Variants in BRINP3 observed in about 807,000 individuals in gnomAD.
The protein encoded by BRINP3 is BMP/retinoic acid-inducible neural-specific protein 3.
A neutral mutation model predicts 71.0 loss-of-function variants in BRINP3; 19 were observed. The observed-to-expected ratio is 0.27, with a 90% CI of 0.19 to 0.39. The LOEUF (loss-of-function observed/expected upper bound fraction) is 0.39, where lower values mean the gene tolerates loss of function less well. Ranked by LOEUF, BRINP3 falls within the 10% of genes least tolerant of loss-of-function variation. The pLI, the probability that BRINP3 is intolerant of heterozygous loss-of-function variation, is 1.00. For missense variants in BRINP3, 959 were observed against 940.8 expected, an observed-to-expected ratio of 1.02 and a Z score of -0.25; for synonymous variants, 380 against 337.7, an observed-to-expected ratio of 1.13 and a Z score of -1.37.
At chr1:190,352,127 GA>G (rs1048262066) in intron 2 of BRINP3, among the ~76,000 whole-genome samples, 9 of 151,548 alleles carry the variant, frequency 5.9e-5, no homozygotes, top group Non-Finnish European at 1.3e-4. Context: ...TTTAAAAAAG[GA>G]AAAAAAATTT....
At chr1:190,398,849 C>A (rs569640192) in intron 2 of BRINP3, among the ~76,000 whole-genome samples, 2 of 152,082 alleles carry the variant, frequency 1.3e-5, no homozygotes, top group East Asian at 3.9e-4. Context: ...AAATCTTCCA[C>A]CCTTTTTACT....
chr1:190,405,958 A>C (rs541734824), intron 2 of BRINP3, among the ~76,000 whole-genome samples: 1 of 152,334 alleles, frequency 6.6e-6, no homozygotes, highest in South Asian at 2.1e-4. Context: ...TATTCAACAA[A>C]TTCCTGGTGA....
intron 7 of BRINP3, among the ~76,000 whole-genome samples, chr1:190,130,748 C>T (rs969704621): frequency 6.6e-6 from 1 of 151,878 alleles, no homozygotes; most frequent in Non-Finnish European, 1.5e-5. Context: ...AGTTCTTGAC[C>T]ACACAGTCAG....
intron 7 of BRINP3, among the ~76,000 whole-genome samples, chr1:190,104,135 C>G (rs769662153): frequency 3.9e-5 from 6 of 151,930 alleles, no homozygotes. Context: ...CAGATGGAAG[C>G]ACTTAACAAC....
chr1:190,168,205 AT>A (rs1651719997), intron 6 of BRINP3, among the ~76,000 whole-genome samples: 1 of 98,208 alleles, frequency 1.0e-5, no homozygotes, highest in Non-Finnish European at 1.9e-5. Flanking sequence ...GTCCTATTTA[AT>A]TTGTATATAT....
chr1:190,276,759 TA>T (rs986732245), intron 3 of BRINP3, among the ~76,000 whole-genome samples: 5 of 151,436 alleles, frequency 3.3e-5, no homozygotes, highest in African/African-American at 9.7e-5. Flanking sequence ...ATGAATTTTT[TA>T]TTCCAACAAT....
chr1:190,448,983 C>T (rs375069589), intron 2 of BRINP3, among the ~76,000 whole-genome samples: 166 of 151,754 alleles, frequency 1.1e-3, no homozygotes, highest in South Asian at 4.4e-3. Flanking sequence ...TTTGAATTTC[C>T]ACTCTCTGCT....
At chr1:190,404,390 C>G (rs1144530) in intron 2 of BRINP3, among the ~76,000 whole-genome samples, 55,518 of 151,904 alleles carry the variant, frequency 0.37, 11,074 homozygotes, top group Admixed American at 0.48. Context: ...CAAAAAGAAC[C>G]TGGCCAAAAT....
chr1:190,287,173 C>A (rs1275013891), intron 2 of BRINP3, among the ~76,000 whole-genome samples: 1 of 152,086 alleles, frequency 6.6e-6, no homozygotes, highest in African/African-American at 2.4e-5. Flanking sequence ...TTGCAGTGAG[C>A]CAAAATTGTG....
At chr1:190,466,307 T>C (rs1359259333) in intron 1 of BRINP3, among the ~76,000 whole-genome samples, 2 of 151,812 alleles carry the variant, frequency 1.3e-5, no homozygotes, top group Non-Finnish European at 3.0e-5. Flanking sequence ...AATGGAAATC[T>C]CTCAATCTGT....
chr1:190,476,163 G>A lies in BRINP3; in HGVS notation c.-51+1285C>T, dbSNP rs375434088. Reference sequence around the variant, plus strand: ...AGCTGGAGTACTTTTATGTCTGGGAGCTAAAAGGGCTTTTGAATTTAAAAA... The same window carrying A: ...AGCTGGAGTACTTTTATGTCTGGGAACTAAAAGGGCTTTTGAATTTAAAAA... On this transcript the variant is annotated intron_variant, in intron 1 of 7. Transcript: ENST00000367462. Among the ~76,000 whole-genome samples, 451 of 151,300 alleles carry A rather than the reference G, an allele frequency of 3.0e-3. 3 individuals are homozygous for A. The highest frequency in any genetic ancestry group is 0.011 in the South Asian group (53 of 4,808).
chr1:190,325,697 T>C (rs1666536233), intron 2 of BRINP3, among the ~76,000 whole-genome samples: 1 of 152,088 alleles, frequency 6.6e-6, no homozygotes, highest in Non-Finnish European at 1.5e-5. Context: ...GTATAATATG[T>C]CTGTATAACT....
At chr1:190,325,325 A>G (rs1176666933) in intron 2 of BRINP3, among the ~76,000 whole-genome samples, 2 of 152,064 alleles carry the variant, frequency 1.3e-5, no homozygotes, top group African/African-American at 4.8e-5. Flanking sequence ...GAACTTAGCT[A>G]CTTTACATTT....
chr1:190,424,006 T>C (rs538331820), intron 2 of BRINP3, among the ~76,000 whole-genome samples: 3 of 151,852 alleles, frequency 2.0e-5, no homozygotes, highest in African/African-American at 7.2e-5. Flanking sequence ...CACTTCCTAG[T>C]TGATGGGAGT....
chr1:190,361,154 G>T (rs1266878025), intron 2 of BRINP3, among the ~76,000 whole-genome samples: 1 of 151,946 alleles, frequency 6.6e-6, no homozygotes, highest in Non-Finnish European at 1.5e-5. Context: ...GCAGGAATAA[G>T]AGGCAAGGAG....
intron 2 of BRINP3, among the ~76,000 whole-genome samples, chr1:190,319,350 T>C (rs1244406837): frequency 6.6e-6 from 1 of 152,168 alleles, no homozygotes; most frequent in Non-Finnish European, 1.5e-5. Flanking sequence ...TTTCACACTG[T>C]GTATTCCTGT....
At chr1:190,135,255 T>C (rs1215613013) in intron 7 of BRINP3, among the ~76,000 whole-genome samples, 2 of 152,080 alleles carry the variant, frequency 1.3e-5, no homozygotes, top group East Asian at 3.9e-4. Flanking sequence ...AATTTTTAAA[T>C]AATAAGATTT....
At chr1:190,324,072 T>C (rs186557382) in intron 2 of BRINP3, among the ~76,000 whole-genome samples, 3 of 151,998 alleles carry the variant, frequency 2.0e-5, no homozygotes, top group African/African-American at 7.2e-5. Flanking sequence ...CTGTTTCAGA[T>C]TGCAAAAAGT....
At chr1:190,110,819 C>A (rs958044742) in intron 7 of BRINP3, among the ~76,000 whole-genome samples, 6 of 152,038 alleles carry the variant, frequency 3.9e-5, no homozygotes, top group African/African-American at 1.4e-4. Context: ...AACCAAGTAG[C>A]CTTTGATTTT....
Sources: gnomAD v4.1 joint callset for allele counts (sites outside exome capture counted in the v4.1 genomes callset) on GRCh38, gnomAD v4.1.1 for gene constraint, MANE v1.5 for transcripts, NCBI Gene and HGNC (gene_info 2026-07-23, HGNC 2026-07-21) for gene names.